Variants in ITGBL1 observed in about 807,000 individuals in gnomAD.
The protein encoded by ITGBL1 is integrin subunit beta like 1.
ITGBL1 carries 51 observed loss-of-function variants against 68.5 expected under a neutral mutation model. The observed-to-expected ratio is 0.74, with a 90% CI of 0.59 to 0.94. The LOEUF (loss-of-function observed/expected upper bound fraction) is 0.94, where lower values mean the gene tolerates loss of function less well. Among genes scored for constraint, ITGBL1 ranks in the 40% least tolerant of loss-of-function variants. The pLI is 0.00. For missense variants in ITGBL1, 649 were observed against 647.4 expected, an observed-to-expected ratio of 1.00 and a Z score of -0.03; for synonymous variants, 209 against 227.3, an observed-to-expected ratio of 0.92 and a Z score of 0.72.
intron 2 of ITGBL1, among the ~76,000 whole-genome samples, chr13:101,465,253 A>G (rs2139631055): frequency 6.6e-6 from 1 of 152,318 alleles, no homozygotes; most frequent in African/African-American, 2.4e-5. Context: ...TGCTATATAC[A>G]TTTTTGTGGA....
At chr13:101,657,390 G>A (rs564320676) in intron 7 of ITGBL1, among the ~76,000 whole-genome samples, 9 of 151,912 alleles carry the variant, frequency 5.9e-5, no homozygotes, top group Non-Finnish European at 8.8e-5. Flanking sequence ...TTAGGTAAAC[G>A]GTCTGATGTT....
In ITGBL1 at chr13:101,454,069, G is replaced by A; in HGVS notation, c.285G>A (p.Val95=). The change falls in exon 2 of 11, where the codon GTG becomes GTA. Residue 95 remains valine, a synonymous_variant. Transcript: ENST00000376180. ...CCCTGTGTGAGTGCCATGAGTGGGTGTGCGAGACCTACGACGGGAGCACCT... is the reference window on the plus strand; with the variant it reads ...CCCTGTGTGAGTGCCATGAGTGGGTATGCGAGACCTACGACGGGAGCACCT... ...FGPLCECHEW[V]CETYDGSTCA... 6.3e-7 allele frequency: 1 copy of A among 1,587,666 alleles called. No individual in the cohort carries two copies. The highest frequency in any genetic ancestry group is 1.7e-4 in the Middle Eastern group (1 of 6,008).
At chr13:101,655,485 A>C (rs939105495) in intron 7 of ITGBL1, among the ~76,000 whole-genome samples, 2 of 152,230 alleles carry the variant, frequency 1.3e-5, no homozygotes, top group Non-Finnish European at 2.9e-5. Context: ...TTGATAACAC[A>C]GGGGAACCAC....
At chr13:101,692,211 C>G (rs1056917414) in intron 7 of ITGBL1, among the ~76,000 whole-genome samples, 6 of 151,922 alleles carry the variant, frequency 3.9e-5, no homozygotes, top group African/African-American at 1.5e-4. Flanking sequence ...ATGGCCACAT[C>G]ATACTAAATT....
At chr13:101,642,804 C>T (rs1336786881) in intron 7 of ITGBL1, among the ~76,000 whole-genome samples, 1 of 151,998 alleles carries the variant, frequency 6.6e-6, no homozygotes, top group Non-Finnish European at 1.5e-5. Flanking sequence ...TTCCCAGCAC[C>T]ATTTATTAAA....
chr13:101,482,645 C>A (rs2048642411), intron 2 of ITGBL1, among the ~76,000 whole-genome samples: 1 of 151,976 alleles, frequency 6.6e-6, no homozygotes, highest in South Asian at 2.1e-4. Flanking sequence ...CATATATAGG[C>A]ACTAAATAAA....
At chr13:101,453,563 A>G (rs1034713820) in intron 1 of ITGBL1, among the ~76,000 whole-genome samples, 7 of 152,228 alleles carry the variant, frequency 4.6e-5, no homozygotes, top group Non-Finnish European at 7.3e-5. Context: ...AAATGTGCAT[A>G]TAAGATTTAG....
chr13:101,554,874 A>G (rs189460868), intron 2 of ITGBL1, among the ~76,000 whole-genome samples: 25 of 152,274 alleles, frequency 1.6e-4, no homozygotes, highest in Admixed American at 6.5e-4. Context: ...CATTAATTAC[A>G]TTCTCTTGGC....
intron 2 of ITGBL1, among the ~76,000 whole-genome samples, chr13:101,525,537 T>A (rs112963719): frequency 2.7e-5 from 4 of 148,830 alleles, no homozygotes; most frequent in Admixed American, 6.7e-5. Flanking sequence ...TTTTTTTTTT[T>A]ATGTGGAAAA....
rs1210788357 is a variant in ITGBL1, at chr13:101,470,006, A to G, written c.316+15906A>G. Among the ~76,000 whole-genome samples, 3 of 152,234 alleles carry G rather than the reference A, an allele frequency of 2.0e-5. No homozygotes were observed. In the East Asian group the frequency reaches 5.8e-4, roughly 29 times the overall value. ...GTTCAGTTAAATTCAAAAGGCACTT[A>G]TTAAACATCTCCAGAAGGATGTCTA... On this transcript the variant is annotated intron_variant, in intron 2 of 10. Coordinates refer to ENST00000376180, the MANE Select transcript of ITGBL1 (RefSeq NM_004791.3).
chr13:101,667,420 A>T (rs1245164248), intron 7 of ITGBL1, among the ~76,000 whole-genome samples: 1 of 152,104 alleles, frequency 6.6e-6, no homozygotes, highest in East Asian at 1.9e-4. Context: ...TATTTTTCTC[A>T]TGGCATTTCA....
chr13:101,557,237 A>T (rs757277874), intron 2 of ITGBL1, among the ~76,000 whole-genome samples: 12 of 152,220 alleles, frequency 7.9e-5, no homozygotes, highest in Non-Finnish European at 1.5e-4. Context: ...TTTCTGAAAA[A>T]CATTTTCAAC....
At chr13:101,705,509 G>C (rs2034242678) in intron 8 of ITGBL1, among the ~76,000 whole-genome samples, 1 of 151,474 alleles carries the variant, frequency 6.6e-6, no homozygotes, top group African/African-American at 2.4e-5. Context: ...TTCTCCACCA[G>C]TCTGCACACG....
At chr13:101,479,973 C>T (rs76817155) in intron 2 of ITGBL1, among the ~76,000 whole-genome samples, 16,645 of 151,900 alleles carry the variant, frequency 0.11, 1,352 homozygotes, top group East Asian at 0.28. Flanking sequence ...GGATACATAC[C>T]GAAAAGAAAA....
chr13:101,600,586 G>A (rs2030306100), intron 7 of ITGBL1, among the ~76,000 whole-genome samples: 1 of 152,062 alleles, frequency 6.6e-6, no homozygotes, highest in East Asian at 1.9e-4. Flanking sequence ...GTCATAGATA[G>A]CTCTTATTAT....
At chr13:101,542,544 T>A (rs1269001825) in intron 2 of ITGBL1, among the ~76,000 whole-genome samples, 1 of 152,156 alleles carries the variant, frequency 6.6e-6, no homozygotes, top group African/African-American at 2.4e-5. Flanking sequence ...TGATTTGGGG[T>A]GGAGAGTTCT....
At chr13:101,475,761 G>C (rs2048527329) in intron 2 of ITGBL1, among the ~76,000 whole-genome samples, 2 of 135,880 alleles carry the variant, frequency 1.5e-5, no homozygotes, top group South Asian at 2.7e-4. Context: ...GGCCAAAAGG[G>C]ACTGGTGCAA....
chr13:101,645,780 G>A lies in ITGBL1; in HGVS notation c.1016-46805G>A, dbSNP rs576918744. 9.2e-5 allele frequency among the ~76,000 whole-genome samples: 14 copies of A among 152,270 alleles called. No homozygotes were observed. The East Asian group carries it at 1.9e-3, about 21-fold the overall frequency. ...CAACTGCCTCACGCAGGAGGGACACGTGGGTAAGGAGACTGAGTTTAGGTA... is the reference window on the plus strand; with the variant it reads ...CAACTGCCTCACGCAGGAGGGACACATGGGTAAGGAGACTGAGTTTAGGTA... On this transcript the variant is annotated intron_variant, in intron 7 of 10. Coordinates refer to ENST00000376180, the MANE Select transcript of ITGBL1 (RefSeq NM_004791.3).
At chr13:101,606,362 G>T (rs1003912081) in intron 7 of ITGBL1, among the ~76,000 whole-genome samples, 2 of 150,910 alleles carry the variant, frequency 1.3e-5, no homozygotes, top group African/African-American at 2.4e-5. Context: ...TACCATATTG[G>T]CTGTAGATAT....
Sources: allele counts gnomAD v4.1 joint callset (sites outside exome capture counted in the v4.1 genomes callset), GRCh38; gene constraint gnomAD v4.1.1; transcripts MANE v1.5; gene names NCBI Gene and HGNC (gene_info 2026-07-23, HGNC 2026-07-21).